The following EIF4G3 variants were observed in gnomAD, a reference collection of about 807,000 sequenced individuals.
The protein encoded by EIF4G3 is eIF-4-gamma 3.
A neutral mutation model predicts 186.4 loss-of-function variants in EIF4G3; 34 were observed. The observed-to-expected ratio is 0.18, with a 90% CI of 0.14 to 0.24. The LOEUF is 0.24. EIF4G3 is among the 10% of genes least tolerant of loss of function. EIF4G3 has a pLI of 1.00. For missense variants in EIF4G3, 1,536 were observed against 1,948.5 expected (o/e 0.79, Z 3.99); for synonymous variants, 673 against 679.5 (o/e 0.99, Z 0.15).
chr1:20,858,874 G>C (rs1571777304), intron 24 of EIF4G3, among the ~76,000 whole-genome samples: 1 of 152,142 alleles, frequency 6.6e-6, no homozygotes, highest in Admixed American at 6.5e-5. Flanking sequence ...GTGGGCGCCT[G>C]TAATCCCAGC....
At chr1:20,817,584 A>G in intron 33 of EIF4G3, 46 bp from the exon 34 acceptor site, 2 of 1,260,916 alleles carry the variant, frequency 1.6e-6, no homozygotes, top group Non-Finnish European at 2.1e-6. Flanking sequence ...ATATAATTCT[A>G]TGTTATTGTC....
chr1:20,810,577 T>G lies in EIF4G3; in HGVS notation c.4744+161A>C, dbSNP rs2059046340. 6.6e-6 allele frequency among the ~76,000 whole-genome samples: 1 copy of G among 152,256 alleles called. No individual in the cohort carries two copies. The highest frequency in any genetic ancestry group is 1.5e-5 in the Non-Finnish European group (1 of 68,038). On this transcript the variant is annotated intron_variant, in intron 36 of 36. Transcript: ENST00000602326. This position sits in a 1 kb window ranked among gnomAD's most constrained non-coding sequence, Gnocchi z 4.1. Reference sequence around the variant, plus strand: ...TGCTGGGATTATAGGCGCAAGCCACTGCACCCGGCCAAATTCAAATTTATT... The same window carrying G: ...TGCTGGGATTATAGGCGCAAGCCACGGCACCCGGCCAAATTCAAATTTATT...
chr1:21,157,032 T>G (rs1472849973), intron 2 of EIF4G3, among the ~76,000 whole-genome samples: 1 of 152,172 alleles, frequency 6.6e-6, no homozygotes, highest in East Asian at 1.9e-4. Context: ...CACTCCAGCC[T>G]AGGCAACAAA....
At chr1:21,115,189 T>TA (rs1384834830) in intron 2 of EIF4G3, among the ~76,000 whole-genome samples, 9 of 152,218 alleles carry the variant, frequency 5.9e-5, no homozygotes, top group Non-Finnish European at 8.8e-5. Context: ...TTGCAAAGCT[T>TA]AATCATTTCT....
intron 14 of EIF4G3, among the ~76,000 whole-genome samples, chr1:20,915,974 C>T (rs571751522): frequency 1.8e-4 from 28 of 152,272 alleles, no homozygotes; most frequent in African/African-American, 6.7e-4. Context: ...CTCTATGAAA[C>T]AGCTAACAAG....
intron 2 of EIF4G3, among the ~76,000 whole-genome samples, chr1:21,122,736 T>G (rs1020010982): frequency 6.6e-6 from 1 of 152,194 alleles, no homozygotes; most frequent in African/African-American, 2.4e-5. Flanking sequence ...TAACACAATT[T>G]AAATGTGTGA....
At chr1:20,999,822 C>G in intron 6 of EIF4G3, 2 of 388,956 alleles carry the variant, frequency 5.1e-6, no homozygotes, top group South Asian at 1.9e-5. Flanking sequence ...CATATTAAAA[C>G]TAGAAATTTT....
At chr1:20,953,776 G>T (rs549092757) in intron 12 of EIF4G3, among the ~76,000 whole-genome samples, 1 of 152,144 alleles carries the variant, frequency 6.6e-6, no homozygotes, top group Non-Finnish European at 1.5e-5. Context: ...TGCCCACAAG[G>T]TAAGTTTCTA....
chr1:20,977,604 C>T (rs1418642138), intron 10 of EIF4G3, among the ~76,000 whole-genome samples: 1 of 152,046 alleles, frequency 6.6e-6, no homozygotes, highest in Non-Finnish European at 1.5e-5. Context: ...TGATTAACTG[C>T]CCACTTGATG....
At chr1:21,065,573 G>A (rs1341228739) in intron 3 of EIF4G3, among the ~76,000 whole-genome samples, 1 of 151,632 alleles carries the variant, frequency 6.6e-6, no homozygotes, top group Admixed American at 6.6e-5. Context: ...TGGTGGGGCG[G>A]CGGGGGGAAG....
intron 14 of EIF4G3, among the ~76,000 whole-genome samples, chr1:20,938,345 A>G (rs2095587033): frequency 1.3e-5 from 2 of 152,184 alleles, no homozygotes; most frequent in Admixed American, 1.3e-4. Context: ...AATAGTTACA[A>G]GAAAATGTTT....
At chr1:20,868,596 A>G (rs1399547634) in intron 20 of EIF4G3, among the ~76,000 whole-genome samples, 1 of 152,200 alleles carries the variant, frequency 6.6e-6, no homozygotes, top group Non-Finnish European at 1.5e-5. Context: ...AGGCAGATGC[A>G]TGCAAATATG....
At chr1:20,985,273 T>TG (rs1213163526) in intron 7 of EIF4G3, among the ~76,000 whole-genome samples, 2 of 152,186 alleles carry the variant, frequency 1.3e-5, no homozygotes, top group Non-Finnish European at 2.9e-5. Flanking sequence ...AACAAATTTC[T>TG]TCTACCTACA....
At chr1:20,998,819 G>A (rs1310122584) in intron 6 of EIF4G3, 4 of 420,660 alleles carry the variant, frequency 9.5e-6, no homozygotes, top group African/African-American at 6.2e-5. Flanking sequence ...AGAAAGCAGT[G>A]TTTAATGTAA....
chr1:20,949,915 C>T, intron 13 of EIF4G3, 88 bp downstream of exon 13: 1 of 1,102,456 alleles, frequency 9.1e-7, no homozygotes, highest in Non-Finnish European at 1.3e-6. Context: ...TCCTTGGATG[C>T]TGTACTCTTA....
At chr1:21,161,965 T>A (rs917205458) in intron 2 of EIF4G3, 1 of 146,064 alleles carries the variant, frequency 6.8e-6, no homozygotes, top group Non-Finnish European at 1.5e-5. Context: ...CGAAACTCTG[T>A]CTCAAAAAAA....
chr1:20,989,079 A>AC (rs2080329921), intron 7 of EIF4G3, among the ~76,000 whole-genome samples: 1 of 67,670 alleles, frequency 1.5e-5, no homozygotes, highest in Non-Finnish European at 2.8e-5. Flanking sequence ...AGGGGAGGGG[A>AC]GGGGAGAGGA....
intron 7 of EIF4G3, among the ~76,000 whole-genome samples, chr1:20,991,237 C>T (rs1031048932): frequency 2.0e-5 from 3 of 152,078 alleles, no homozygotes; most frequent in Non-Finnish European, 4.4e-5. Context: ...TTGTTCAATA[C>T]AGGAGCCACA....
At chr1:20,951,258 T>G (rs565137645) in intron 12 of EIF4G3, among the ~76,000 whole-genome samples, 1 of 152,278 alleles carries the variant, frequency 6.6e-6, no homozygotes, top group South Asian at 2.1e-4. Flanking sequence ...TAAGTAACTA[T>G]GCTTTTCAGA....
Sources: allele counts gnomAD v4.1 joint callset (sites outside exome capture counted in the v4.1 genomes callset), GRCh38; gene constraint gnomAD v4.1.1; non-coding constraint Gnocchi (gnomAD v3.1); transcripts MANE v1.5; gene names NCBI Gene and HGNC (gene_info 2026-07-23, HGNC 2026-07-21).